PRDM10: variants seen among roughly 807,000 people sequenced by gnomAD.
PRDM10 encodes PR domain zinc finger protein 10.
In PRDM10, 65 loss-of-function variants were observed where a neutral mutation model predicts 133.1. The observed-to-expected ratio is 0.49, with a 90% confidence interval of 0.40 to 0.60. PRDM10 has a LOEUF of 0.60. PRDM10 is among the 20% of genes least tolerant of loss of function. The pLI is 0.00. For synonymous variants in PRDM10, 582 were observed against 580.4 expected (o/e 1.00, Z -0.04); for missense variants, 1,137 against 1,507.1 (o/e 0.75, Z 4.07).
rs1950564474 is a variant in PRDM10 at position 129,923,157 on chromosome 11, T to C, written c.2034+91A>G. On this transcript the variant is annotated intron_variant, in intron 13 of 20. Coordinates refer to ENST00000360871, the MANE Select transcript of PRDM10 (RefSeq NM_199437.2). The surrounding 1 kb of genome is among the most constrained non-coding windows in gnomAD (Gnocchi z 4.4). ...GGTCCAGTTCATCAGAGGTGGGTGA[T>C]AAACTGATGAAATGAACAGGCATTT... The C allele has an allele frequency of 4.3e-6, 6 of 1,395,230 alleles. No homozygotes were observed. The South Asian group carries it at 6.0e-5, about 14-fold the overall frequency. The allele number at this position is 1,395,230 out of a possible 1,614,324, so 86.4% of individuals were successfully genotyped here. A position where few individuals can be genotyped will look rare whatever the true frequency, so the allele number is the denominator to read the frequency against.
intron 19 of PRDM10, 25 bp from the exon 20 acceptor site, chr11:129,905,766 T>G: frequency 6.3e-7 from 1 of 1,589,090 alleles, no homozygotes; most frequent in Non-Finnish European, 8.6e-7. Flanking sequence ...ATATTCATAG[T>G]TCAGTGGTCT....
rs56107743 is a variant in PRDM10, at chr11:129,902,203, G to A, written c.*110C>T. The A allele has an allele frequency of 0.084, 118,644 of 1,412,362 alleles. 5,636 individuals are homozygous for A. The highest frequency in any genetic ancestry group is 0.15 in the South Asian group (10,905 of 71,348). 87.5% of individuals were successfully genotyped at this position (1,412,362 alleles called of 1,614,324 possible). ...GATGAGAGACAAAACTGTGGTTTCCGAACTCTTGAGTGAATAATAAATCTT... is the reference window on the plus strand; with the variant it reads ...GATGAGAGACAAAACTGTGGTTTCCAAACTCTTGAGTGAATAATAAATCTT... On this transcript the variant is annotated 3_prime_UTR_variant, in exon 21 of 21. Transcript: ENST00000360871.
intron 1 of PRDM10, among the ~76,000 whole-genome samples, chr11:129,970,661 C>T (rs998867702): frequency 2.6e-5 from 4 of 151,980 alleles, no homozygotes; most frequent in African/African-American, 7.2e-5. Context: ...TCTCCTGCCT[C>T]AGCCTCCTGA....
Sources: allele counts gnomAD v4.1 joint callset (sites outside exome capture counted in the v4.1 genomes callset), GRCh38; gene constraint gnomAD v4.1.1; non-coding constraint Gnocchi (gnomAD v3.1); transcripts MANE v1.5; gene names NCBI Gene and HGNC (gene_info 2026-07-23, HGNC 2026-07-21).